ZAN: variants seen among roughly 807,000 people sequenced by gnomAD.
The protein encoded by ZAN is zonadhesin (gene/pseudogene).
A neutral mutation model predicts 286.2 loss-of-function variants in ZAN; 260 were observed. The ratio of observed to expected loss-of-function variants is 0.91; its 90% CI spans 0.82 to 1.01. The LOEUF is 1.01. Ranked by LOEUF, ZAN falls within the 50% of genes least tolerant of loss-of-function variation. The pLI, the probability that ZAN is intolerant of heterozygous loss-of-function variation, is 0.00. For missense variants in ZAN, 3,410 were observed against 3,639.2 expected (o/e 0.94, Z 1.62); for synonymous variants, 1,368 against 1,417.5 (o/e 0.97, Z 0.79).
chr7:100,744,721 G>A (rs1423069734), intron 7 of ZAN, among the ~76,000 whole-genome samples: 10 of 151,480 alleles, frequency 6.6e-5, no homozygotes, highest in Admixed American at 6.0e-4. Flanking sequence ...CGTGTACCGC[G>A]CCCAGCAGCT....
At position 100,748,387 on chromosome 7, in the gene ZAN, C is replaced by T; in HGVS notation, c.1166C>T (p.Ser389Phe). 1 of 1,613,998 alleles carries T rather than the reference C, an allele frequency of 6.2e-7. No homozygotes were observed. Among genetic ancestry groups the T allele is most frequent in the Non-Finnish European group, 8.5e-7 (1 of 1,179,900 alleles). Residue 389 changes from serine to phenylalanine, a missense_variant, in exon 11 of 48, where the codon TCC (serine) becomes TTC (phenylalanine). Ser to Phe is a radical substitution (Grantham distance 155). Transcript: ENST00000613979. The stretch of plus-strand genomic sequence containing the variant: ...CCCTTCTGTGACTGGGTCCAGACTT[C>T]CGGGGATGGTGGACACTGGGCCCTC... ...AHPFCDWVQT[S>F]GDGGHWALGH...
chr7:100,760,063 A>G (rs1809445296), intron 18 of ZAN, among the ~76,000 whole-genome samples: 1 of 151,946 alleles, frequency 6.6e-6, no homozygotes, highest in Non-Finnish European at 1.5e-5. Flanking sequence ...AAATAGAAAA[A>G]ATTAGCCTGG....
At chr7:100,746,767 G>C in intron 8 of ZAN, 65 bp downstream of exon 8, 2 of 1,541,130 alleles carry the variant, frequency 1.3e-6, no homozygotes, top group Non-Finnish European at 1.8e-6. Flanking sequence ...TGGCTTGATG[G>C]GGAAACATGG....
chr7:100,780,221 T>A lies in ZAN; in HGVS notation c.6622+471T>A, dbSNP rs115763534. Among the ~76,000 whole-genome samples, 1,106 of 151,870 alleles carry A rather than the reference T, an allele frequency of 7.3e-3. 19 individuals are homozygous for A. Among genetic ancestry groups the A allele is most frequent in the African/African-American group, 0.025 (1,042 of 41,418 alleles). ...AAAAAAAAAAAAGTGTCTTTTAGTA[T>A]CTTGATAAAGTTGTGCAACCATCAC... On this transcript the variant is annotated intron_variant, in intron 35 of 47. Transcript: ENST00000613979.
In ZAN at chr7:100,797,737, C is replaced by T; in HGVS notation, c.*5C>T. 1 of 1,613,914 alleles carries T rather than the reference C, an allele frequency of 6.2e-7. No individual in the cohort carries two copies. On this transcript the variant is annotated 3_prime_UTR_variant, in exon 48 of 48. Coordinates refer to ENST00000613979, the MANE Select transcript of ZAN (RefSeq NM_003386.3). ...GTTCTGGACTGTGCCTGTTAAGTTG[C>T]TCAGTTTTGAGCTGTCTTCAGACAA...
rs138563581 is a variant in ZAN at position 100,750,793 on chromosome 7, C to T, written c.1418C>T (p.Ala473Val). ...CTCGAACTCCTCCTGGGAAGTCCTGCGGGGAGTCCCCCGATTCCTCTCTGG... is the reference window on the plus strand; with the variant it reads ...CTCGAACTCCTCCTGGGAAGTCCTGTGGGGAGTCCCCCGATTCCTCTCTGG... ...TMLELLLGSP[A>V]GSPPIPLWKR... The change falls in exon 12 of 48, where the codon GCG (alanine) becomes GTG (valine). Residue 473 changes from alanine to valine, a missense_variant. Coordinates refer to ENST00000613979, the MANE Select transcript of ZAN (RefSeq NM_003386.3). 2,513 of 1,610,820 alleles carry T rather than the reference C, an allele frequency of 1.6e-3. 39 individuals carry two copies. In the African/African-American group the frequency reaches 0.031, roughly 20 times the overall value.
chr7:100,753,725 CG>C (rs1808950973), intron 14 of ZAN, among the ~76,000 whole-genome samples: 1 of 148,488 alleles, frequency 6.7e-6, no homozygotes. Context: ...CCCAGCTACT[CG>C]GGAGGCTGAG....
intron 38 of ZAN, among the ~76,000 whole-genome samples, chr7:100,788,935 G>C (rs1026358736): frequency 6.6e-6 from 1 of 152,130 alleles, no homozygotes; most frequent in African/African-American, 2.4e-5. Flanking sequence ...CTGACCTCAA[G>C]TGATCCGCCC....
chr7:100,786,132 G>T lies in ZAN; in HGVS notation c.6970G>T (p.Val2324Phe). Residue 2324 changes from valine to phenylalanine, a missense_variant, in exon 37 of 48, where the codon GTC (valine) becomes TTC (phenylalanine). Physicochemically the swap from Val to Phe is conservative, Grantham distance 50 (BLOSUM62 -1). Coordinates refer to ENST00000613979, the MANE Select transcript of ZAN (RefSeq NM_003386.3). ...TTCCGACAACAGCAACAGCAATTGT[G>T]TCTCAGACAGTAAGGGGAGCGACCG... ...LTSDNSNSNC[V>F]SDKSEQCSVY... 6.2e-7 allele frequency: 1 copy of T among 1,613,954 alleles called. No homozygotes were observed. The highest frequency in any genetic ancestry group is 1.7e-5 in the Admixed American group (1 of 60,022).
chr7:100,764,262 T>C, intron 22 of ZAN, 66 bp downstream of exon 22: 2 of 1,435,906 alleles, frequency 1.4e-6, no homozygotes, highest in Non-Finnish European at 1.8e-6. Flanking sequence ...CCCAGCACTT[T>C]GGGAGTCCGA....
At chr7:100,765,644 C>A in intron 23 of ZAN, 90 bp downstream of exon 23, 1 of 1,429,436 alleles carries the variant, frequency 7.0e-7, no homozygotes, top group South Asian at 1.4e-5. Flanking sequence ...CTTTTCTTTT[C>A]GTTTCTTGTT....
In ZAN at chr7:100,794,172, G is replaced by C; in HGVS notation, c.8039G>C (p.Ser2680Thr). The C allele has an allele frequency of 1.9e-6, 3 of 1,614,006 alleles. No homozygotes were observed. Among genetic ancestry groups the C allele is most frequent in the Non-Finnish European group, 8.5e-7 (1 of 1,179,894 alleles). ...TGCTCTCAGCGGTGCACCTGTGCCA[G>C]CTCACGGATCCTGCTGTGTGAGCCC... ...EDCSQRCTCA[S>T]SRILLCEPFS... Residue 2680 changes from serine (S) to threonine (T), a missense_variant, in exon 44 of 48, where the codon AGC (serine) becomes ACC (threonine). Ser to Thr is a moderately conservative substitution (Grantham distance 58). This residue lies in a region of ZAN where 1,289 missense variants were observed against 1,314.3 expected (regional missense o/e 0.98). Transcript: ENST00000613979.
intron 46 of ZAN, 47 bp downstream of exon 46, chr7:100,797,512 C>T (rs766638839): frequency 4.3e-6 from 7 of 1,612,700 alleles, no homozygotes; most frequent in South Asian, 2.2e-5. Context: ...GTGTGCAAAC[C>T]GGGAAGCGGC....
rs1270442576 is a variant in ZAN at position 100,789,366 on chromosome 7, A to G, written c.7357+19A>G. On this transcript the variant is annotated intron_variant, in intron 39 of 47. Transcript: ENST00000613979. ...AATGCAGGTAATGGAGAGAGGGGAA[A>G]GAAGAGCAAAAGGGCCATTTCTGGG... 5.6e-6 allele frequency: 9 copies of G among 1,609,402 alleles called. No individual in the cohort carries two copies. The highest frequency in any genetic ancestry group is 1.7e-5 in the Admixed American group (1 of 59,274).
In ZAN at chr7:100,734,349, G is replaced by A. The variant is rs566055417; in HGVS notation, c.53+128G>A. The A allele has an allele frequency of 2.6e-4, 168 of 639,390 alleles. 14 individuals carry two copies. In the East Asian group the frequency reaches 5.7e-3, roughly 22 times the overall value. 39.6% of individuals were successfully genotyped at this position (639,390 alleles called of 1,614,324 possible). ...AAGATCTGGAGAGAGGCCAGGCACGGTGGCTCACGCCTGTAATCCCAGCAC... is the reference window on the plus strand; with the variant it reads ...AAGATCTGGAGAGAGGCCAGGCACGATGGCTCACGCCTGTAATCCCAGCAC... On this transcript the variant is annotated intron_variant, in intron 2 of 47. Coordinates refer to ENST00000613979, the MANE Select transcript of ZAN (RefSeq NM_003386.3).
intron 7 of ZAN, among the ~76,000 whole-genome samples, chr7:100,741,132 C>T (rs1486304979): frequency 4.8e-4 from 28 of 57,852 alleles, no homozygotes; most frequent in African/African-American, 1.3e-3. Flanking sequence ...CCCTCCCGGA[C>T]GGGGCGGCTG....
intron 42 of ZAN, 24 bp downstream of exon 42, chr7:100,792,503 C>G (rs372977694): frequency 5.4e-5 from 87 of 1,613,336 alleles, no homozygotes; most frequent in Non-Finnish European, 6.9e-5. Context: ...TGCCAGGAGG[C>G]GGGCGCTGCC....
At chr7:100,774,920 TTTTGTTTGTTTG>T (rs35120086) in intron 31 of ZAN, among the ~76,000 whole-genome samples, 2 of 120,606 alleles carry the variant, frequency 1.7e-5, no homozygotes, top group Non-Finnish European at 3.6e-5. Flanking sequence ...CCCTGGGGTT[TTTTGTTTGTTTG>T]TTTGTTTGTT....
chr7:100,782,176 T>C (rs1226074335), intron 35 of ZAN, among the ~76,000 whole-genome samples: 1 of 147,788 alleles, frequency 6.8e-6, no homozygotes, highest in Non-Finnish European at 1.5e-5. Context: ...CAGTCCTTTT[T>C]GTTTTCATCT....
Sources: gnomAD v4.1 joint callset for allele counts (sites outside exome capture counted in the v4.1 genomes callset) on GRCh38, gnomAD v4.1.1 for gene constraint, gnomAD v4.1.1 regional missense constraint, MANE v1.5 for transcripts, NCBI Gene and HGNC (gene_info 2026-07-23, HGNC 2026-07-21) for gene names.